Variants in PDS5B observed in about 807,000 individuals in gnomAD.
The protein encoded by PDS5B is sister chromatid cohesion protein PDS5 homolog B.
A neutral mutation model predicts 184.1 loss-of-function variants in PDS5B; 51 were observed. That is an observed-to-expected ratio of 0.28 (90% confidence interval 0.22 to 0.35). The LOEUF is 0.35. Ranked by LOEUF, PDS5B falls within the 10% of genes least tolerant of loss-of-function variation. The pLI, the probability that PDS5B is intolerant of heterozygous loss-of-function variation, is 1.00. For missense variants in PDS5B, 1,180 were observed against 1,723.3 expected, an observed-to-expected ratio of 0.68 and a Z score of 5.58; for synonymous variants, 566 against 569.2, an observed-to-expected ratio of 0.99 and a Z score of 0.08.
chr13:32,652,664 G>A (rs1464493702), intron 3 of PDS5B: 15 of 151,628 alleles, frequency 9.9e-5, no homozygotes, highest in Admixed American at 9.9e-4. Context: ...AGCTGAGGTG[G>A]GAGGAGTGCT....
At chr13:32,603,052 C>G (rs1426698864) in intron 1 of PDS5B, among the ~76,000 whole-genome samples, 1 of 152,194 alleles carries the variant, frequency 6.6e-6, no homozygotes, top group African/African-American at 2.4e-5. Context: ...GTTGCCTGTT[C>G]ACTCTGATGG....
intron 19 of PDS5B, among the ~76,000 whole-genome samples, chr13:32,727,543 C>A (rs1242059036): frequency 6.6e-6 from 1 of 151,534 alleles, no homozygotes; most frequent in Non-Finnish European, 1.5e-5. Flanking sequence ...TTTATTTTTC[C>A]CTCATTTTTA....
At chr13:32,598,757 G>GT (rs917380493) in intron 1 of PDS5B, among the ~76,000 whole-genome samples, 3 of 142,294 alleles carry the variant, frequency 2.1e-5, no homozygotes, top group Admixed American at 1.4e-4. Flanking sequence ...TCAGTTGATG[G>GT]TTTTTTTTCT....
Position 32,732,083 on chromosome 13 carries a change from T to C in PDS5B, c.2124-18T>C, listed in dbSNP as rs917842304. 5 of 1,588,898 alleles carry C rather than the reference T, an allele frequency of 3.1e-6. No homozygotes were observed. The East Asian group carries it at 9.0e-5, about 29-fold the overall frequency. On this transcript the variant is annotated intron_variant, in intron 19 of 34. Coordinates refer to ENST00000315596, the MANE Select transcript of PDS5B (RefSeq NM_015032.4). ...GATTTTTCTGGTTTATTGTTTTTCT[T>C]TGATTTTTTTTTAATAGAGCCTTGC...
Position 32,753,323 on chromosome 13 carries a change from T to C in PDS5B, c.2737-9T>C. ...TTGAATAATATCTGGAATAATTGTGTCTTTACAGGATGAATGCTATCAAGT... is the reference window on the plus strand; with the variant it reads ...TTGAATAATATCTGGAATAATTGTGCCTTTACAGGATGAATGCTATCAAGT... On this transcript the variant is annotated splice_polypyrimidine_tract_variant and intron_variant, in intron 24 of 34. Coordinates refer to ENST00000315596, the MANE Select transcript of PDS5B (RefSeq NM_015032.4). 6.2e-7 allele frequency: 1 copy of C among 1,606,422 alleles called. No homozygotes were observed. Among genetic ancestry groups the C allele is most frequent in the Non-Finnish European group, 8.5e-7 (1 of 1,173,726 alleles).
chr13:32,732,792 A>T (rs1246497036), intron 20 of PDS5B, among the ~76,000 whole-genome samples: 1 of 152,136 alleles, frequency 6.6e-6, no homozygotes, highest in Non-Finnish European at 1.5e-5. Context: ...TAACACTAAC[A>T]CTGTTAGTGC....
chr13:32,635,735 T>A (rs1382022073), intron 1 of PDS5B, among the ~76,000 whole-genome samples: 1 of 151,628 alleles, frequency 6.6e-6, no homozygotes, highest in Non-Finnish European at 1.5e-5. Context: ...TTTGTTTCTG[T>A]TCAGTTTGCT....
At chr13:32,695,742 G>T (rs1951682960) in intron 14 of PDS5B, among the ~76,000 whole-genome samples, 1 of 151,908 alleles carries the variant, frequency 6.6e-6, no homozygotes, top group Non-Finnish European at 1.5e-5. Context: ...TATGTATTTA[G>T]TTGGAGCTTC....
At position 32,735,211 on chromosome 13, in the gene PDS5B, C is replaced by G. The variant is rs1181303141; in HGVS notation, c.2287C>G (p.Leu763Val). ...KSLDPSNLEH[L>V]ITPLVTIGHI... ...CCTAGATCCAAGCAACCTGGAACAT[C>G]TCATAACACCATTGGTTACTATTGG... The change falls in exon 21 of 35, where the codon CTC becomes GTC. Residue 763 changes from leucine to valine, a missense_variant. Around this residue, in one of 11 missense-constraint regions of PDS5B, gnomAD observed 475 missense variants for 691.5 expected, o/e 0.69. Transcript: ENST00000315596. 7 of 1,610,574 alleles carry G rather than the reference C, an allele frequency of 4.3e-6. No individual in the cohort carries two copies. The highest frequency in any genetic ancestry group is 1.3e-5 in the African/African-American group (1 of 74,848).
At chr13:32,734,601 T>C (rs1761800908) in intron 20 of PDS5B, among the ~76,000 whole-genome samples, 1 of 152,234 alleles carries the variant, frequency 6.6e-6, no homozygotes, top group Non-Finnish European at 1.5e-5. Context: ...CACAGACTCA[T>C]TCTGATTAGT....
At chr13:32,607,583 A>G (rs1237214809) in intron 1 of PDS5B, among the ~76,000 whole-genome samples, 6 of 152,162 alleles carry the variant, frequency 3.9e-5, no homozygotes, top group Admixed American at 3.3e-4. Context: ...ACTCTCTTCA[A>G]AGCTGTCAGA....
chr13:32,635,170 GTTTTTT>G (rs71071054), intron 1 of PDS5B, among the ~76,000 whole-genome samples: 3 of 81,108 alleles, frequency 3.7e-5, no homozygotes, highest in Non-Finnish European at 7.5e-5. Context: ...AGCCAATTAC[GTTTTTT>G]TTTTTTTTTT....
chr13:32,734,902 A>ATTACCCTG (rs1953270851), intron 20 of PDS5B, among the ~76,000 whole-genome samples: 1 of 152,156 alleles, frequency 6.6e-6, no homozygotes, highest in South Asian at 2.1e-4. Flanking sequence ...CTGTGTCGAA[A>ATTACCCTG]TGTTTCTTTA....
At chr13:32,630,812 A>C (rs917507475) in intron 1 of PDS5B, among the ~76,000 whole-genome samples, 20 of 142,994 alleles carry the variant, frequency 1.4e-4, no homozygotes, top group Non-Finnish European at 3.0e-4. Flanking sequence ...TTTCAGACGG[A>C]GTCTCACTTC....
rs1954950510 is a variant in PDS5B, at chr13:32,776,127, T to G, written c.*1075T>G. 2.6e-5 allele frequency: 4 copies of G among 153,326 alleles called. No individual in the cohort carries two copies. 9.5% of individuals were successfully genotyped at this position (153,326 alleles called of 1,614,324 possible). The stretch of plus-strand genomic sequence containing the variant: ...AAGCCAAGTGTTTTGTATTTTATAG[T>G]GAGTTGCATGTTTTTGAAAAAAAGT... On this transcript the variant is annotated 3_prime_UTR_variant, in exon 35 of 35. Transcript: ENST00000315596.
At chr13:32,708,002 C>A (rs1372071931) in intron 18 of PDS5B, among the ~76,000 whole-genome samples, 2 of 152,028 alleles carry the variant, frequency 1.3e-5, no homozygotes. Flanking sequence ...TATGGCAATA[C>A]CCCGGAGTTA....
intron 1 of PDS5B, among the ~76,000 whole-genome samples, chr13:32,614,946 C>T (rs1297378521): frequency 6.6e-6 from 1 of 152,092 alleles, no homozygotes; most frequent in Non-Finnish European, 1.5e-5. Flanking sequence ...TTGAGTTTGT[C>T]CCTTTTGTAA....
intron 15 of PDS5B, among the ~76,000 whole-genome samples, chr13:32,699,307 T>C (rs1337492545): frequency 6.6e-6 from 1 of 152,218 alleles, no homozygotes; most frequent in African/African-American, 2.4e-5. Flanking sequence ...ACTCTCTGGG[T>C]TGGTTTAATG....
intron 1 of PDS5B, among the ~76,000 whole-genome samples, chr13:32,626,410 A>G (rs892884562): frequency 1.3e-5 from 2 of 152,196 alleles, no homozygotes; most frequent in Non-Finnish European, 1.5e-5. Flanking sequence ...TTGGAAAACC[A>G]TTGTTAGATA....
Sources: allele counts gnomAD v4.1 joint callset (sites outside exome capture counted in the v4.1 genomes callset), GRCh38; gene constraint gnomAD v4.1.1; regional missense constraint gnomAD v4.1.1; transcripts MANE v1.5; gene names NCBI Gene and HGNC (gene_info 2026-07-23, HGNC 2026-07-21).